TMEM108: variants seen among roughly 807,000 people sequenced by gnomAD.
TMEM108 encodes the protein transmembrane protein 108.
A neutral mutation model predicts 35.1 loss-of-function variants in TMEM108; 12 were observed. That is an observed-to-expected ratio of 0.34 (90% confidence interval 0.22 to 0.55). TMEM108 has a LOEUF of 0.55. Among genes scored for constraint, TMEM108 ranks in the 20% least tolerant of loss-of-function variants. The pLI is 0.89. For missense variants in TMEM108, 680 were observed against 753.3 expected (o/e 0.90, Z 1.14); for synonymous variants, 287 against 308.6 (o/e 0.93, Z 0.73).
intron 2 of TMEM108, among the ~76,000 whole-genome samples, chr3:133,120,635 T>C (rs1576328991): frequency 6.6e-6 from 1 of 150,834 alleles, no homozygotes; most frequent in East Asian, 2.0e-4. Context: ...TATACTTCTG[T>C]CACATTTTGA....
chr3:133,237,088 C>T (rs1044662789), intron 3 of TMEM108, among the ~76,000 whole-genome samples: 7 of 152,104 alleles, frequency 4.6e-5, no homozygotes, highest in Non-Finnish European at 7.4e-5. Context: ...CTAGGGTCTG[C>T]GCATTTGTCT....
At chr3:133,313,502 A>G (rs2071160375) in intron 3 of TMEM108, among the ~76,000 whole-genome samples, 1 of 152,242 alleles carries the variant, frequency 6.6e-6, no homozygotes, top group Non-Finnish European at 1.5e-5. Flanking sequence ...TTAATAATTT[A>G]AAATGTGCTT....
rs10530634 is a variant in TMEM108 at position 133,070,745 on chromosome 3, ATGTGTGTGTG to A, written c.-47+24743_-47+24752del. On this transcript the variant is annotated intron_variant, in intron 2 of 5. Coordinates refer to ENST00000321871, the MANE Select transcript of TMEM108 (RefSeq NM_023943.4). ...TTGCAGTGAATGCTTTCTCTGATGT[ATGTGTGTGTG>A]TGTGTGTGTGTGTGTGTATCTGTGT... 5.4e-5 allele frequency among the ~76,000 whole-genome samples: 8 copies of A among 148,322 alleles called. No individual in the cohort carries two copies. In the East Asian group the frequency reaches 1.6e-3, roughly 30 times the overall value.
intron 2 of TMEM108, among the ~76,000 whole-genome samples, chr3:133,180,186 G>A (rs530170898): frequency 2.0e-5 from 3 of 152,146 alleles, no homozygotes; most frequent in East Asian, 1.9e-4. Context: ...TATCTAATGT[G>A]GGGGAGAGGG....
chr3:133,162,359 A>G lies in TMEM108; in HGVS notation c.-46-66907A>G, dbSNP rs369544045. ...ACTTTAGGTTAGAAACTGGACCTAA[A>G]AGGGAAGGGGAACTATTAGAGACAA... On this transcript the variant is annotated intron_variant, in intron 2 of 5. Transcript: ENST00000321871. 1.7e-4 allele frequency among the ~76,000 whole-genome samples: 26 copies of G among 152,318 alleles called. No homozygotes were observed. The East Asian group carries it at 3.9e-3, about 23-fold the overall frequency.
At chr3:133,260,788 C>T (rs929371817) in intron 3 of TMEM108, among the ~76,000 whole-genome samples, 2 of 152,168 alleles carry the variant, frequency 1.3e-5, no homozygotes, top group South Asian at 2.1e-4. Flanking sequence ...GAGTTGATTA[C>T]ATAGTCAGGC....
intron 2 of TMEM108, among the ~76,000 whole-genome samples, chr3:133,202,941 AT>A (rs1352664064): frequency 6.6e-6 from 1 of 152,044 alleles, no homozygotes; most frequent in Non-Finnish European, 1.5e-5. Flanking sequence ...ATGTTTTTCC[AT>A]TTGTTTGTGT....
chr3:133,259,437 T>A (rs1576417826), intron 3 of TMEM108, among the ~76,000 whole-genome samples: 2 of 152,344 alleles, frequency 1.3e-5, no homozygotes, highest in Non-Finnish European at 2.9e-5. Flanking sequence ...ACCTACAAAG[T>A]GCATGCCCCA....
chr3:133,345,926 A>G (rs758173927), intron 3 of TMEM108, among the ~76,000 whole-genome samples: 7 of 151,954 alleles, frequency 4.6e-5, no homozygotes, highest in Admixed American at 1.3e-4. Context: ...TCACTCAGCA[A>G]TATGTTTAAG....
At chr3:133,084,042 A>G (rs1000369793) in intron 2 of TMEM108, among the ~76,000 whole-genome samples, 2 of 152,164 alleles carry the variant, frequency 1.3e-5, no homozygotes, top group African/African-American at 2.4e-5. Flanking sequence ...TCAGCTAGGA[A>G]GTTTTTGGTC....
intron 2 of TMEM108, among the ~76,000 whole-genome samples, chr3:133,107,979 C>G (rs1944177048): frequency 6.6e-6 from 1 of 152,174 alleles, no homozygotes; most frequent in African/African-American, 2.4e-5. Context: ...CGCCTGTAAT[C>G]CCAGCACTTT....
intron 3 of TMEM108, among the ~76,000 whole-genome samples, chr3:133,242,373 T>C (rs1946325720): frequency 6.6e-6 from 1 of 152,144 alleles, no homozygotes; most frequent in South Asian, 2.1e-4. Context: ...GGCCAAGAAG[T>C]AAGTAGAAGG....
At chr3:133,124,505 C>T (rs1429395880) in intron 2 of TMEM108, among the ~76,000 whole-genome samples, 1 of 152,160 alleles carries the variant, frequency 6.6e-6, no homozygotes, top group Admixed American at 6.5e-5. Flanking sequence ...TTTTTTCACC[C>T]TGGGGCAAGA....
chr3:133,065,066 G>A (rs1256686318), intron 2 of TMEM108, among the ~76,000 whole-genome samples: 1 of 152,166 alleles, frequency 6.6e-6, no homozygotes, highest in African/African-American at 2.4e-5. Flanking sequence ...TGTCTTACAT[G>A]GTGAAGTTGG....
chr3:133,132,718 C>T (rs1389243397), intron 2 of TMEM108, among the ~76,000 whole-genome samples: 1 of 152,002 alleles, frequency 6.6e-6, no homozygotes, highest in Non-Finnish European at 1.5e-5. Context: ...TTTCATAAGG[C>T]TATAATTGCC....
intron 3 of TMEM108, among the ~76,000 whole-genome samples, chr3:133,352,066 TACACCTTGGGTA>T (rs1317687495): frequency 6.6e-6 from 1 of 152,204 alleles, no homozygotes; most frequent in Non-Finnish European, 1.5e-5. Context: ...ACTTTAAGAT[TACACCTTGGGTA>T]ATCTCATGAC....
chr3:133,192,938 G>T (rs564940211), intron 2 of TMEM108: 1 of 152,184 alleles, frequency 6.6e-6, no homozygotes, highest in African/African-American at 2.4e-5. Flanking sequence ...GTGTGTGCGT[G>T]CATGTGTGTG....
intron 2 of TMEM108, among the ~76,000 whole-genome samples, chr3:133,194,965 C>A (rs1945555859): frequency 6.6e-6 from 1 of 152,148 alleles, no homozygotes. Flanking sequence ...TGACAGATGA[C>A]TATTTAAACA....
intron 2 of TMEM108, among the ~76,000 whole-genome samples, chr3:133,077,405 G>A (rs1383982104): frequency 6.6e-6 from 1 of 152,114 alleles, no homozygotes; most frequent in Non-Finnish European, 1.5e-5. Context: ...GAGGTGCCAG[G>A]GGCAGGCGGT....
Sources: allele counts gnomAD v4.1 joint callset (sites outside exome capture counted in the v4.1 genomes callset), GRCh38; gene constraint gnomAD v4.1.1; transcripts MANE v1.5; gene names NCBI Gene and HGNC (gene_info 2026-07-23, HGNC 2026-07-21).